The following DOCK4 variants were observed in gnomAD, a reference collection of about 807,000 sequenced individuals.
The protein encoded by DOCK4 is dedicator of cytokinesis protein 4.
DOCK4 carries 97 observed loss-of-function variants against 268.1 expected under a neutral mutation model. The ratio of observed to expected loss-of-function variants is 0.36; its 90% CI spans 0.31 to 0.43. DOCK4 has a LOEUF of 0.43. DOCK4 is among the 20% of genes least tolerant of loss of function. The probability of loss-of-function intolerance (pLI) is 1.00; values close to 1 mark genes in which losing one functional copy is unlikely to be tolerated. For missense variants in DOCK4, 2,145 were observed against 2,455.7 expected (o/e 0.87, Z 2.67); for synonymous variants, 954 against 887.2 (o/e 1.08, Z -1.34).
chr7:111,998,303 T>C (rs924890336), intron 4 of DOCK4, 145 bp downstream of exon 4: 7 of 619,894 alleles, frequency 1.1e-5, no homozygotes, highest in Non-Finnish European at 1.6e-5. Flanking sequence ...ACGGTCTTAA[T>C]GCAATATATC....
intron 1 of DOCK4, among the ~76,000 whole-genome samples, chr7:112,076,387 G>T (rs2135696643): frequency 6.6e-6 from 1 of 152,144 alleles, no homozygotes; most frequent in East Asian, 1.9e-4. Flanking sequence ...GGCAAAAAAT[G>T]TTAAATTTTT....
chr7:112,151,119 G>C (rs747886559), intron 1 of DOCK4, among the ~76,000 whole-genome samples: 7 of 152,146 alleles, frequency 4.6e-5, no homozygotes, highest in Non-Finnish European at 7.4e-5. Flanking sequence ...GTTCCTAGGA[G>C]ATATGATGTA....
intron 1 of DOCK4, among the ~76,000 whole-genome samples, chr7:112,184,871 C>G (rs939027676): frequency 6.6e-5 from 10 of 152,156 alleles, no homozygotes; most frequent in Middle Eastern, 3.2e-3. Flanking sequence ...TGCTCCTGAC[C>G]TCCATGTGAA....
chr7:111,960,486 C>G (rs1796786774), intron 8 of DOCK4, among the ~76,000 whole-genome samples: 1 of 148,246 alleles, frequency 6.7e-6, no homozygotes, highest in Non-Finnish European at 1.5e-5. Flanking sequence ...ATCAAGCTAA[C>G]CTACCATGAG....
Position 111,945,802 on chromosome 7 carries a change from CAAGAGAA to C in DOCK4, c.702-11_702-5del. On this transcript the variant is annotated splice_region_variant and splice_polypyrimidine_tract_variant and intron_variant, in intron 8 of 52. Coordinates refer to ENST00000428084, the MANE Select transcript of DOCK4 (RefSeq NM_001363540.2). ...CAGCCTCAAGAAAAATCTCTCACTA[CAAGAGAA>C]AAAATGTTTAACAATTTGAAAATTA... The C allele has an allele frequency of 6.4e-7, 1 of 1,574,506 alleles. No homozygotes were observed. Among genetic ancestry groups the C allele is most frequent in the Non-Finnish European group, 8.6e-7 (1 of 1,159,162 alleles).
chr7:111,809,519 G>T, intron 28 of DOCK4, 118 bp from the exon 29 acceptor site: 1 of 750,106 alleles, frequency 1.3e-6, no homozygotes, highest in Non-Finnish European at 2.2e-6. Flanking sequence ...AAGTAAGACT[G>T]ACCATGAGTT....
chr7:112,150,778 A>G (rs573936666), intron 1 of DOCK4, among the ~76,000 whole-genome samples: 24 of 152,294 alleles, frequency 1.6e-4, no homozygotes, highest in East Asian at 5.8e-4. Flanking sequence ...AAAAGTCCCA[A>G]TGTTAGACCA....
chr7:112,028,817 T>A (rs1197743565), intron 1 of DOCK4, among the ~76,000 whole-genome samples: 1 of 152,176 alleles, frequency 6.6e-6, no homozygotes, highest in Non-Finnish European at 1.5e-5. Context: ...CTTTGTCCAT[T>A]TCTCTCTCAG....
At chr7:111,900,776 A>G (rs6466391) in intron 14 of DOCK4, among the ~76,000 whole-genome samples, 17,205 of 152,166 alleles carry the variant, frequency 0.11, 1,290 homozygotes, top group African/African-American at 0.21. Flanking sequence ...CACGTGGGAG[A>G]TGGACGATTG....
At chr7:112,141,910 C>A (rs982458641) in intron 1 of DOCK4, among the ~76,000 whole-genome samples, 4 of 152,112 alleles carry the variant, frequency 2.6e-5, no homozygotes, top group African/African-American at 9.7e-5. Flanking sequence ...ACTAAATGCT[C>A]CATTTGTTCA....
rs192851390 is a variant in DOCK4, at chr7:111,972,215, A to G, written c.701+4917T>C. On this transcript the variant is annotated intron_variant, in intron 8 of 52. Transcript: ENST00000428084. ...CCAATAAAATCCTGTTTAACTATGG[A>G]AACTTTCAGACAAATACTGAAGTGC... Among the ~76,000 whole-genome samples the G allele has an allele frequency of 2.0e-5, 3 of 152,328 alleles. No individual in the cohort carries two copies. The East Asian group carries it at 5.8e-4, about 29-fold the overall frequency.
At chr7:111,813,948 A>G (rs1801342263) in intron 27 of DOCK4, among the ~76,000 whole-genome samples, 1 of 152,230 alleles carries the variant, frequency 6.6e-6, no homozygotes, top group Non-Finnish European at 1.5e-5. Context: ...TATGCTTAAC[A>G]TGTGGTTATA....
At chr7:111,972,638 TG>T (rs1797810043) in intron 8 of DOCK4, among the ~76,000 whole-genome samples, 2 of 152,294 alleles carry the variant, frequency 1.3e-5, no homozygotes, top group Non-Finnish European at 2.9e-5. Flanking sequence ...ATGGCCAGAC[TG>T]AAGCCATAAA....
chr7:111,926,246 C>T (rs1355313403), intron 12 of DOCK4, among the ~76,000 whole-genome samples: 2 of 143,198 alleles, frequency 1.4e-5, no homozygotes, highest in Non-Finnish European at 3.0e-5. Context: ...GGTAAAACCC[C>T]ATCTCTACTA....
chr7:111,954,244 G>A (rs1289799342), intron 8 of DOCK4, among the ~76,000 whole-genome samples: 2 of 152,142 alleles, frequency 1.3e-5, no homozygotes, highest in Non-Finnish European at 2.9e-5. Flanking sequence ...GAAAAGCTCA[G>A]GCCGCACTAT....
chr7:111,746,161 G>A (rs963991588), intron 44 of DOCK4, among the ~76,000 whole-genome samples, 173 bp downstream of exon 44: 3 of 152,100 alleles, frequency 2.0e-5, no homozygotes, highest in African/African-American at 7.2e-5. Flanking sequence ...TTTTGCATCG[G>A]AGTGGGAAGA....
chr7:111,940,139 T>C lies in DOCK4; in HGVS notation c.948A>G (p.Thr316=). 1 of 1,614,028 alleles carries C rather than the reference T, an allele frequency of 6.2e-7. No homozygotes were observed. Among genetic ancestry groups the C allele is most frequent in the South Asian group, 1.1e-5 (1 of 91,090 alleles). ...ATACTTTCAGAATGAGGTCATCCTT[T>C]GTCTCTCCTGTTAGCAGGTCAGCGA... ...LSIADLLTGE[T]KDDLILKVYM... Residue 316 remains threonine (T), a synonymous_variant, in exon 11 of 53, where the codon ACA becomes ACG. Coordinates refer to ENST00000428084, the MANE Select transcript of DOCK4 (RefSeq NM_001363540.2).
chr7:111,930,592 T>C (rs1201093354), intron 12 of DOCK4, among the ~76,000 whole-genome samples: 1 of 152,232 alleles, frequency 6.6e-6, no homozygotes, highest in African/African-American at 2.4e-5. Flanking sequence ...ACTGCACTGC[T>C]TCCATTTAAC....
chr7:111,776,013 G>A (rs1263689865), intron 36 of DOCK4, among the ~76,000 whole-genome samples: 2 of 152,206 alleles, frequency 1.3e-5, no homozygotes, highest in Non-Finnish European at 2.9e-5. Flanking sequence ...AGGTGCACAA[G>A]TGTAGAACAA....
Sources: gnomAD v4.1 joint callset for allele counts (sites outside exome capture counted in the v4.1 genomes callset) on GRCh38, gnomAD v4.1.1 for gene constraint, MANE v1.5 for transcripts, NCBI Gene and HGNC (gene_info 2026-07-23, HGNC 2026-07-21) for gene names.